CAD: variants seen among roughly 807,000 people sequenced by gnomAD.
CAD encodes multifunctional protein CAD.
CAD carries 81 observed loss-of-function variants against 237.2 expected under a neutral mutation model. The observed-to-expected ratio is 0.34, with a 90% confidence interval of 0.29 to 0.41. The LOEUF (loss-of-function observed/expected upper bound fraction) is 0.41, where lower values mean the gene tolerates loss of function less well. Among genes scored for constraint, CAD ranks in the 10% least tolerant of loss-of-function variants. CAD has a pLI of 1.00. For missense variants in CAD, 2,181 were observed against 2,951.7 expected, an observed-to-expected ratio of 0.74 and a Z score of 6.05; for synonymous variants, 1,196 against 1,162.8, an observed-to-expected ratio of 1.03 and a Z score of -0.58.
In CAD at chr2:27,238,413, C is replaced by A; in HGVS notation, c.4861-18C>A. On this transcript the variant is annotated intron_variant, in intron 30 of 43. Transcript: ENST00000264705. The stretch of plus-strand genomic sequence containing the variant: ...CATATGGGTGGTGCCTCTTCTGGAT[C>A]TTCCCATTGTTCCCCAGATCCTGCT... 6.4e-7 allele frequency: 1 copy of A among 1,553,362 alleles called. No individual in the cohort carries two copies. The highest frequency in any genetic ancestry group is 8.7e-7 in the Non-Finnish European group (1 of 1,148,760).
chr2:27,222,797 G>T lies in CAD; in HGVS notation c.638-69G>T. The T allele has an allele frequency of 2.5e-6, 4 of 1,581,970 alleles. No homozygotes were observed. In the South Asian group the frequency reaches 4.5e-5, roughly 18 times the overall value. On this transcript the variant is annotated intron_variant, in intron 5 of 43. Transcript: ENST00000264705. ...TGGGACTTAACACTCTCATGGGCTG[G>T]GGGGGCTGCAGGTGTGTCTCCTGTA...
rs781096644 is a variant in CAD, at chr2:27,236,259, C to T, written c.4075-25C>T. 5.6e-6 allele frequency: 9 copies of T among 1,610,762 alleles called. No individual in the cohort carries two copies. Among genetic ancestry groups the T allele is most frequent in the Non-Finnish European group, 7.6e-6 (9 of 1,177,920 alleles). ...CCTGACCGCTGCCAGACAGCTTGGC[C>T]CTGACCTTGACTCCGGGTTGGCAGG... On this transcript the variant is annotated intron_variant, in intron 25 of 43. Transcript: ENST00000264705. This position sits in a 1 kb window ranked among gnomAD's most constrained non-coding sequence, Gnocchi z 4.1.
chr2:27,217,397 C>T lies in CAD; in HGVS notation c.-155C>T, dbSNP rs948112061. ...CTCTGCTGCTGCCGCCAAGCGCGCC[C>T]GAGGCTCCTACGCTGCCGCGCCCGG... On this transcript the variant is annotated 5_prime_UTR_variant, in exon 1 of 44. Transcript: ENST00000264705. 3 of 679,032 alleles carry T rather than the reference C, an allele frequency of 4.4e-6. No individual in the cohort carries two copies. Among genetic ancestry groups the T allele is most frequent in the East Asian group, 3.1e-5 (1 of 32,476 alleles). 42.1% of individuals were successfully genotyped at this position (679,032 alleles called of 1,614,324 possible).
rs772068971 is a variant in CAD at position 27,233,772 on chromosome 2, T to C, written c.3363T>C (p.His1121=). Residue 1121 remains histidine, a synonymous_variant, in exon 21 of 44, where the codon CAT becomes CAC. Coordinates refer to ENST00000264705, the MANE Select transcript of CAD (RefSeq NM_004341.5). This position sits in a 1 kb window ranked among gnomAD's most constrained non-coding sequence, Gnocchi z 6.3. The part of the protein sequence containing the change: ...LSSAAAVSKE[H]PVVISKFIQE... ...GCGCAGCAGCCGTCTCCAAAGAGCA[T>C]CCCGTGGTCATCTCCAAGTTCATCC... 3 of 1,613,918 alleles carry C rather than the reference T, an allele frequency of 1.9e-6. No individual in the cohort carries two copies. Among genetic ancestry groups the C allele is most frequent in the Non-Finnish European group, 2.5e-6 (3 of 1,180,042 alleles).
In CAD at chr2:27,236,580, G is replaced by A. The variant is rs1676013784; in HGVS notation, c.4314+57G>A. 6.3e-7 allele frequency: 1 copy of A among 1,599,618 alleles called. No individual in the cohort carries two copies. Among genetic ancestry groups the A allele is most frequent in the African/African-American group, 1.4e-5 (1 of 73,880 alleles). On this transcript the variant is annotated intron_variant, in intron 26 of 43. Coordinates refer to ENST00000264705, the MANE Select transcript of CAD (RefSeq NM_004341.5). This position sits in a 1 kb window ranked among gnomAD's most constrained non-coding sequence, Gnocchi z 4.1. Reference sequence around the variant, plus strand: ...TGCCAGTGTTGATGGGAAGAAGAAAGAGGGAGGAGTGAGTATGGAACAGCC... The same window carrying A: ...TGCCAGTGTTGATGGGAAGAAGAAAAAGGGAGGAGTGAGTATGGAACAGCC...
rs761444771 is a variant in CAD, at chr2:27,226,959, G to A, written c.2284G>A (p.Val762Ile). 6 of 1,614,104 alleles carry A rather than the reference G, an allele frequency of 3.7e-6. No homozygotes were observed. The highest frequency in any genetic ancestry group is 4.2e-6 in the Non-Finnish European group (5 of 1,179,952). Residue 762 changes from valine to isoleucine, a missense_variant, in exon 15 of 44, where the codon GTT (valine) becomes ATT (isoleucine). Physicochemically the swap from Val to Ile is conservative, Grantham distance 29. Around this residue, in one of 12 missense-constraint regions of CAD, gnomAD observed 385 missense variants for 535.1 expected, o/e 0.72. Coordinates refer to ENST00000264705, the MANE Select transcript of CAD (RefSeq NM_004341.5). ...AAAGATTGGGAGCTGCATGAAGAGC[G>A]TTGGTGAGACTCATGCCCTGGGCAC... ...STKIGSCMKS[V>I]GEVMGIGRSF...
At position 27,235,483 on chromosome 2, in the gene CAD, C is replaced by T. The variant is rs181892096; in HGVS notation, c.3970-53C>T. The T allele has an allele frequency of 6.2e-7, 1 of 1,611,710 alleles. No homozygotes were observed. Among genetic ancestry groups the T allele is most frequent in the East Asian group, 2.2e-5 (1 of 44,846 alleles). On this transcript the variant is annotated intron_variant, in intron 24 of 43. Coordinates refer to ENST00000264705, the MANE Select transcript of CAD (RefSeq NM_004341.5). This position sits in a 1 kb window ranked among gnomAD's most constrained non-coding sequence, Gnocchi z 5.2. The stretch of plus-strand genomic sequence containing the variant: ...CCGTGGCTCCCTGGGCCAGGGCTGA[C>T]CTTGAAATGGAAGACAGGAAGAAAA...
In CAD at chr2:27,240,582, C is replaced by T; in HGVS notation, c.5593+221C>T. 6.5e-7 allele frequency: 1 copy of T among 1,546,066 alleles called. No individual in the cohort carries two copies. Among genetic ancestry groups the T allele is most frequent in the South Asian group, 1.2e-5 (1 of 83,222 alleles). ...TTGTGGGCAGCTGTGTTCCTCCGCC[C>T]AGGAGCTGGGATCCCACGGGGCAGC... On this transcript the variant is annotated intron_variant, in intron 35 of 43. Coordinates refer to ENST00000264705, the MANE Select transcript of CAD (RefSeq NM_004341.5). This position sits in a 1 kb window ranked among gnomAD's most constrained non-coding sequence, Gnocchi z 4.6.
chr2:27,242,373 C>G lies in CAD; in HGVS notation c.6168C>G (p.Ala2056=). 6.2e-7 allele frequency: 1 copy of G among 1,614,034 alleles called. No homozygotes were observed. The highest frequency in any genetic ancestry group is 8.5e-7 in the Non-Finnish European group (1 of 1,179,970). Residue 2056 remains alanine (A), a synonymous_variant, in exon 40 of 44, where the codon GCC becomes GCG. Transcript: ENST00000264705. This position sits in a 1 kb window ranked among gnomAD's most constrained non-coding sequence, Gnocchi z 6.4. ...GDGVGEHPTQ[A]LLDIFTIREE... is the part of the protein sequence containing the mutation. ...GGGTCGGAGAGCACCCCACCCAGGC[C>G]CTGCTGGACATCTTCACCATCCGTG... is the stretch of plus-strand genomic sequence containing the variant.
rs1675211608 is a variant in CAD, at chr2:27,222,305, C to T, written c.464C>T (p.Ala155Val). 1 of 1,613,008 alleles carries T rather than the reference C, an allele frequency of 6.2e-7. No individual in the cohort carries two copies. Among genetic ancestry groups the T allele is most frequent in the Non-Finnish European group, 8.5e-7 (1 of 1,179,128 alleles). Residue 155 changes from alanine to valine, a missense_variant, in exon 4 of 44, where the codon GCC becomes GTC. Transcript: ENST00000264705. Reference sequence around the variant, plus strand: ...TCCCTGCCATTCTTGGACCCCAATGCCCGCCCCCTGGTACCAGAGGTCTCC... The same window carrying T: ...TCCCTGCCATTCTTGGACCCCAATGTCCGCCCCCTGGTACCAGAGGTCTCC... ...PSSLPFLDPN[A>V]RPLVPEVSIK...
In CAD at chr2:27,224,019, G is replaced by C. The variant is rs1675312988; in HGVS notation, c.1098G>C (p.Gly366=). 6.2e-7 allele frequency: 1 copy of C among 1,610,122 alleles called. No individual in the cohort carries two copies. Among genetic ancestry groups the C allele is most frequent in the African/African-American group, 1.3e-5 (1 of 74,848 alleles). ...TVKEATAGNP[G]GQTVRERLTE... is the part of the protein sequence containing the mutation. ...AAGAGGCCACAGCTGGGAACCCTGG[G>C]GGCCAGACAGGTAAGATCCTGAGTA... Residue 366 remains glycine (G), a synonymous_variant, in exon 8 of 44, where the codon GGG becomes GGC. Transcript: ENST00000264705.
rs759020967 is a variant in CAD, at chr2:27,225,745, T to C, written c.1661T>C (p.Val554Ala). 6.2e-7 allele frequency: 1 copy of C among 1,614,220 alleles called. No homozygotes were observed. The highest frequency in any genetic ancestry group is 1.7e-5 in the Admixed American group (1 of 60,028). ...GAACGGCTGGGGTACCCTGTGCTAG[T>C]GCGTGCAGCCTTTGCCCTGGGTGGC... ...AAERLGYPVL[V>A]RAAFALGGLG... The change falls in exon 12 of 44, where the codon GTG (valine) becomes GCG (alanine). Residue 554 changes from valine (V) to alanine (A), a missense_variant. By Grantham distance (64) the Val-to-Ala change is moderately conservative. Around this residue, in one of 12 missense-constraint regions of CAD, gnomAD observed 174 missense variants for 215.8 expected, o/e 0.81. Coordinates refer to ENST00000264705, the MANE Select transcript of CAD (RefSeq NM_004341.5).
In CAD at chr2:27,235,930, A is replaced by G. The variant is rs146082654; in HGVS notation, c.4074+290A>G. On this transcript the variant is annotated intron_variant, in intron 25 of 43. Transcript: ENST00000264705. The surrounding 1 kb of genome is among the most constrained non-coding windows in gnomAD (Gnocchi z 5.2). ...TTCCCCTGCTTTTATTATTACCATT[A>G]TACTAGTAAGCTATATTCCATGCAG... 6,156 of 489,270 alleles carry G rather than the reference A, an allele frequency of 0.013. 75 individuals are homozygous for G. Among genetic ancestry groups the G allele is most frequent in the South Asian group, 0.03 (1,143 of 37,564 alleles). The allele number at this position is 489,270 out of a possible 1,614,324, so 30.3% of individuals were successfully genotyped here.
Position 27,226,187 on chromosome 2 carries a change from G to C in CAD, c.1899G>C (p.Val633=), listed in dbSNP as rs1675438013. ...PLGIHTGESI[V]VAPSQTLNDR... ...GCATCCACACTGGTGAGTCCATAGT[G>C]GTGGCCCCTAGCCAGACACTGAATG... is the stretch of plus-strand genomic sequence containing the variant. Residue 633 remains valine (V), a synonymous_variant, in exon 13 of 44, where the codon GTG becomes GTC. Coordinates refer to ENST00000264705, the MANE Select transcript of CAD (RefSeq NM_004341.5). The C allele has an allele frequency of 6.2e-7, 1 of 1,614,164 alleles. No individual in the cohort carries two copies. Among genetic ancestry groups the C allele is most frequent in the Non-Finnish European group, 8.5e-7 (1 of 1,179,990 alleles).
Position 27,236,583 on chromosome 2 carries a change from G to A in CAD, c.4314+60G>A. Reference sequence around the variant, plus strand: ...CAGTGTTGATGGGAAGAAGAAAGAGGGAGGAGTGAGTATGGAACAGCCATG... The same window carrying A: ...CAGTGTTGATGGGAAGAAGAAAGAGAGAGGAGTGAGTATGGAACAGCCATG... On this transcript the variant is annotated intron_variant, in intron 26 of 43. Transcript: ENST00000264705. The surrounding 1 kb of genome is among the most constrained non-coding windows in gnomAD (Gnocchi z 4.1). 4 of 1,597,378 alleles carry A rather than the reference G, an allele frequency of 2.5e-6. No individual in the cohort carries two copies. The highest frequency in any genetic ancestry group is 3.4e-6 in the Non-Finnish European group (4 of 1,172,580).
Position 27,243,674 on chromosome 2 carries a change from T to G in CAD, c.*156T>G. On this transcript the variant is annotated 3_prime_UTR_variant, in exon 44 of 44. Coordinates refer to ENST00000264705, the MANE Select transcript of CAD (RefSeq NM_004341.5). ...GGCTCTGGACTGGAGCTCTCTGGCA[T>G]GGGGGTGGGGCCTCAGATGCTGGGG... 1 of 639,822 alleles carries G rather than the reference T, an allele frequency of 1.6e-6. No homozygotes were observed. Among genetic ancestry groups the G allele is most frequent in the Non-Finnish European group, 2.7e-6 (1 of 365,566 alleles). 39.6% of individuals were successfully genotyped at this position (639,822 alleles called of 1,614,324 possible).
At chr2:27,220,069 G>C (rs1280397027) in intron 2 of CAD, among the ~76,000 whole-genome samples, 1 of 152,056 alleles carries the variant, frequency 6.6e-6, no homozygotes, top group East Asian at 1.9e-4. Context: ...CCCTAAGTCA[G>C]AAATAAACAT....
In CAD at chr2:27,223,596, G is replaced by A; in HGVS notation, c.843G>A (p.Leu281=). ...YGNRGHNQPC[L]LVGSGRCFLT... ...ACCGAGGCCATAACCAGCCCTGCTTGTTGGTGGGCTCTGGGCGCTGCTTTC... is the reference window on the plus strand; with the variant it reads ...ACCGAGGCCATAACCAGCCCTGCTTATTGGTGGGCTCTGGGCGCTGCTTTC... Residue 281 remains leucine (L), a synonymous_variant, in exon 7 of 44, where the codon TTG becomes TTA. Transcript: ENST00000264705. The A allele has an allele frequency of 6.2e-7, 1 of 1,613,528 alleles. No individual in the cohort carries two copies. Among genetic ancestry groups the A allele is most frequent in the Non-Finnish European group, 8.5e-7 (1 of 1,180,034 alleles).
At position 27,223,756 on chromosome 2, in the gene CAD, T is replaced by G; in HGVS notation, c.995+8T>G. On this transcript the variant is annotated splice_region_variant and intron_variant, in intron 7 of 43. Transcript: ENST00000264705. ...CAGCTTGCCTTTCTTCAGGTGAGCC[T>G]GGTTGACTGGGTCTGTGAAAATTTG... 6.2e-7 allele frequency: 1 copy of G among 1,613,290 alleles called. No homozygotes were observed. The highest frequency in any genetic ancestry group is 2.2e-5 in the East Asian group (1 of 44,862).
Sources: allele counts gnomAD v4.1 joint callset (sites outside exome capture counted in the v4.1 genomes callset), GRCh38; gene constraint gnomAD v4.1.1; regional missense constraint gnomAD v4.1.1; non-coding constraint Gnocchi (gnomAD v3.1); transcripts MANE v1.5; gene names NCBI Gene and HGNC (gene_info 2026-07-23, HGNC 2026-07-21).